Variants in B3GALT1 observed in about 807,000 individuals in gnomAD.
B3GALT1 encodes UDP-Gal:betaGlcNAc beta 1,3-galactosyltransferase, polypeptide 1.
A neutral mutation model predicts 23.2 loss-of-function variants in B3GALT1; 10 were observed. That is an observed-to-expected ratio of 0.43 (90% confidence interval 0.27 to 0.73). The LOEUF (loss-of-function observed/expected upper bound fraction) is 0.73. Ranked by LOEUF, B3GALT1 falls within the 30% of genes least tolerant of loss-of-function variation. B3GALT1 has a pLI of 0.21. For missense variants in B3GALT1, 299 were observed against 405.4 expected, an observed-to-expected ratio of 0.74 and a Z score of 2.25; for synonymous variants, 156 against 141.5, an observed-to-expected ratio of 1.10 and a Z score of -0.73.
chr2:167,688,228 A>C (rs1057042340), intron 3 of B3GALT1, among the ~76,000 whole-genome samples: 6 of 152,138 alleles, frequency 3.9e-5, no homozygotes, highest in Non-Finnish European at 8.8e-5. Flanking sequence ...AAAAGAGGAC[A>C]TAATAAAAGC....
chr2:167,446,778 A>G (rs573921690), intron 1 of B3GALT1, among the ~76,000 whole-genome samples: 4 of 152,206 alleles, frequency 2.6e-5, no homozygotes, highest in African/African-American at 9.6e-5. Flanking sequence ...CTCTTCTCAC[A>G]GTTTTTAGCC....
intron 3 of B3GALT1, among the ~76,000 whole-genome samples, chr2:167,668,848 T>C (rs1050624546): frequency 6.6e-6 from 1 of 152,186 alleles, no homozygotes; most frequent in African/African-American, 2.4e-5. Context: ...GCCCACTGTC[T>C]GGCACTCCCT....
intron 4 of B3GALT1, among the ~76,000 whole-genome samples, chr2:167,838,427 C>A (rs1212091320): frequency 2.6e-5 from 4 of 152,238 alleles, no homozygotes; most frequent in Non-Finnish European, 5.9e-5. Context: ...GAAAATCTAG[C>A]AGAAATGGAT....
intron 3 of B3GALT1, among the ~76,000 whole-genome samples, chr2:167,771,920 CAAT>C (rs958756902): frequency 2.0e-5 from 3 of 152,164 alleles, no homozygotes; most frequent in East Asian, 3.9e-4. Context: ...ATACGCTAAC[CAAT>C]AATGAAATAC....
At chr2:167,598,337 A>G (rs1348826993) in intron 2 of B3GALT1, among the ~76,000 whole-genome samples, 1 of 152,176 alleles carries the variant, frequency 6.6e-6, no homozygotes, top group East Asian at 1.9e-4. Flanking sequence ...ATATTGCATA[A>G]TATAGAATAT....
chr2:167,558,604 G>A (rs1170213121), intron 2 of B3GALT1, among the ~76,000 whole-genome samples: 1 of 152,146 alleles, frequency 6.6e-6, no homozygotes, highest in South Asian at 2.1e-4. Flanking sequence ...ACTCCCACCT[G>A]AATACTGCGC....
At chr2:167,661,478 G>A (rs1179534107) in intron 3 of B3GALT1, among the ~76,000 whole-genome samples, 1 of 152,008 alleles carries the variant, frequency 6.6e-6, no homozygotes, top group African/African-American at 2.4e-5. Flanking sequence ...TGTTATTCAA[G>A]AGAAGTTTCT....
chr2:167,364,741 C>T (rs1449022739), intron 1 of B3GALT1, among the ~76,000 whole-genome samples: 1 of 152,084 alleles, frequency 6.6e-6, no homozygotes, highest in East Asian at 1.9e-4. Context: ...TACACATACA[C>T]CCAGATAGAA....
chr2:167,630,176 C>T (rs1031538948), intron 2 of B3GALT1, among the ~76,000 whole-genome samples: 1 of 151,726 alleles, frequency 6.6e-6, no homozygotes, highest in Admixed American at 6.6e-5. Context: ...AGATTAGATA[C>T]ACAAAATACA....
At chr2:167,537,641 C>T (rs935943773) in intron 2 of B3GALT1, among the ~76,000 whole-genome samples, 5 of 151,894 alleles carry the variant, frequency 3.3e-5, no homozygotes, top group African/African-American at 1.2e-4. Context: ...TCCCTGATAC[C>T]ATCACAAAGC....
intron 4 of B3GALT1, among the ~76,000 whole-genome samples, chr2:167,829,967 T>C (rs1464061349): frequency 6.6e-6 from 1 of 152,112 alleles, no homozygotes; most frequent in Non-Finnish European, 1.5e-5. Flanking sequence ...CACAGTCTTT[T>C]GGGAGGAGAG....
chr2:167,517,397 A>G (rs929308616), intron 2 of B3GALT1, among the ~76,000 whole-genome samples: 10 of 152,050 alleles, frequency 6.6e-5, no homozygotes, highest in African/African-American at 1.4e-4. Context: ...AAAGCAAAAT[A>G]GTTTTTAGTA....
chr2:167,461,899 T>C (rs1699264452), intron 1 of B3GALT1, among the ~76,000 whole-genome samples: 1 of 152,196 alleles, frequency 6.6e-6, no homozygotes, highest in South Asian at 2.1e-4. Context: ...TGTATGAACA[T>C]GTATGTTTTA....
intron 1 of B3GALT1, among the ~76,000 whole-genome samples, chr2:167,327,737 G>A (rs570929546): frequency 6.6e-6 from 1 of 151,706 alleles, no homozygotes; most frequent in African/African-American, 2.4e-5. Flanking sequence ...GGATTGCTGT[G>A]GATAGGACTT....
At chr2:167,746,157 GTTA>G (rs1422301562) in intron 3 of B3GALT1, among the ~76,000 whole-genome samples, 1 of 152,014 alleles carries the variant, frequency 6.6e-6, no homozygotes, top group Admixed American at 6.6e-5. Flanking sequence ...CATTAAAACT[GTTA>G]TTATTATTGT....
At chr2:167,735,077 T>A (rs1266204870) in intron 3 of B3GALT1, among the ~76,000 whole-genome samples, 1 of 152,308 alleles carries the variant, frequency 6.6e-6, no homozygotes, top group East Asian at 1.9e-4. Context: ...TTCAGCTGTC[T>A]CTGGGGGAAA....
At chr2:167,828,623 G>A (rs1166453137) in intron 4 of B3GALT1, among the ~76,000 whole-genome samples, 1 of 152,108 alleles carries the variant, frequency 6.6e-6, no homozygotes, top group Non-Finnish European at 1.5e-5. Context: ...ATCTTCACAA[G>A]GACAAACCTG....
At chr2:167,371,118 C>A (rs1188529177) in intron 1 of B3GALT1, among the ~76,000 whole-genome samples, 1 of 151,326 alleles carries the variant, frequency 6.6e-6, no homozygotes, top group Non-Finnish European at 1.5e-5. Context: ...ACAGCTATTA[C>A]AAAATTTCTA....
At chr2:167,461,104 G>T (rs1699253068) in intron 1 of B3GALT1, among the ~76,000 whole-genome samples, 1 of 152,184 alleles carries the variant, frequency 6.6e-6, no homozygotes. Flanking sequence ...TTGATTGTCT[G>T]CACGTCTGTG....
Sources: allele counts gnomAD v4.1 joint callset (sites outside exome capture counted in the v4.1 genomes callset), GRCh38; gene constraint gnomAD v4.1.1; transcripts MANE v1.5; gene names NCBI Gene and HGNC (gene_info 2026-07-23, HGNC 2026-07-21).